Variants in RSBN1 observed in about 807,000 individuals in gnomAD.
RSBN1 encodes round spermatid basic protein 1.
Under a neutral mutation model 74.8 loss-of-function variants are expected in RSBN1, and 23 were observed. The ratio of observed to expected loss-of-function variants is 0.31; its 90% CI spans 0.22 to 0.44. The LOEUF (loss-of-function observed/expected upper bound fraction) is 0.44, where lower values mean the gene tolerates loss of function less well. RSBN1 is among the 20% of genes least tolerant of loss of function. The pLI, the probability that RSBN1 is intolerant of heterozygous loss-of-function variation, is 1.00. For synonymous variants in RSBN1, 407 were observed against 379.6 expected (o/e 1.07, Z -0.84); for missense variants, 808 against 1,020.9 (o/e 0.79, Z 2.84).
At chr1:113,811,633 C>A in intron 1 of RSBN1, 77 bp downstream of exon 1, 3 of 1,499,082 alleles carry the variant, frequency 2.0e-6, no homozygotes, top group Non-Finnish European at 2.7e-6. Flanking sequence ...GGTTTGGCGT[C>A]TTTCAGTCCT....
chr1:113,792,865 TATAAA>T (rs1660393681), intron 2 of RSBN1, among the ~76,000 whole-genome samples: 1 of 150,520 alleles, frequency 6.6e-6, no homozygotes, highest in Non-Finnish European at 1.5e-5. Context: ...AACTCAACTT[TATAAA>T]GTTATCCTGT....
intron 1 of RSBN1, among the ~76,000 whole-genome samples, chr1:113,808,118 A>C (rs908678972): frequency 1.2e-4 from 18 of 151,778 alleles, no homozygotes; most frequent in Admixed American, 4.6e-4. Context: ...ATCTTAAAAA[A>C]CAAACAAACA....
chr1:113,792,878 T>C (rs913872379), intron 2 of RSBN1, among the ~76,000 whole-genome samples: 3 of 152,134 alleles, frequency 2.0e-5, no homozygotes, highest in Admixed American at 1.3e-4. Context: ...AAAGTTATCC[T>C]GTATCAACTG....
intron 2 of RSBN1, among the ~76,000 whole-genome samples, chr1:113,790,293 C>T (rs1660339780): frequency 6.6e-6 from 1 of 151,968 alleles, no homozygotes. Context: ...GGTAATAGAA[C>T]AATATATATA....
intron 2 of RSBN1, among the ~76,000 whole-genome samples, chr1:113,783,624 T>A (rs919196508): frequency 3.9e-5 from 6 of 152,196 alleles, no homozygotes; most frequent in Non-Finnish European, 7.3e-5. Context: ...TGTGCCTAAG[T>A]TTGGGCCAAT....
At position 113,763,103 on chromosome 1, in the gene RSBN1, T is replaced by C. The variant is rs928990684; in HGVS notation, c.*2877A>G. ...TGCTTTATGAATTTGGGTTACCACT[T>C]TGAATCATCATCCTACTCCTAGCAT... On this transcript the variant is annotated 3_prime_UTR_variant, in exon 7 of 7. Coordinates refer to ENST00000261441, the MANE Select transcript of RSBN1 (RefSeq NM_018364.5). 2.6e-5 allele frequency: 4 copies of C among 152,772 alleles called. No individual in the cohort carries two copies. Among genetic ancestry groups the C allele is most frequent in the African/African-American group, 4.8e-5 (2 of 41,448 alleles). The allele number at this position is 152,772 out of a possible 1,614,324, so 9.5% of individuals were successfully genotyped here.
chr1:113,768,826 T>A (rs968270812), intron 4 of RSBN1, among the ~76,000 whole-genome samples: 17 of 152,160 alleles, frequency 1.1e-4, no homozygotes, highest in Admixed American at 3.9e-4. Context: ...CACTTTCTTA[T>A]AACTAAAAGT....
Position 113,798,001 on chromosome 1 carries a change from C to T in RSBN1, c.739G>A (p.Asp247Asn), listed in dbSNP as rs1281805236. The T allele has an allele frequency of 4.3e-6, 7 of 1,609,772 alleles. No individual in the cohort carries two copies. The highest frequency in any genetic ancestry group is 2.2e-5 in the East Asian group (1 of 44,856). The change falls in exon 2 of 7, where the codon GAT becomes AAT. Residue 247 changes from aspartate to asparagine, a missense_variant. Asp to Asn is a conservative substitution (Grantham distance 23, BLOSUM62 1). This residue lies in a region of RSBN1 where 464 missense variants were observed against 401.0 expected (regional missense o/e 1.16). Coordinates refer to ENST00000261441, the MANE Select transcript of RSBN1 (RefSeq NM_018364.5). Reference sequence around the variant, plus strand: ...TTTATTTTCTTCAAGACAAAATCATCGGCTCTCTGGGTTTTACCATTTTCA... The same window carrying T: ...TTTATTTTCTTCAAGACAAAATCATTGGCTCTCTGGGTTTTACCATTTTCA... ...PDENGKTQRA[D>N]DFVLKKIKKK...
At chr1:113,811,321 G>C (rs1660838962) in intron 1 of RSBN1, among the ~76,000 whole-genome samples, 1 of 152,174 alleles carries the variant, frequency 6.6e-6, no homozygotes, top group Admixed American at 6.5e-5. Flanking sequence ...TGGAGCAAGG[G>C]AGAGCAGATA....
Position 113,765,995 on chromosome 1 carries a change from T to G in RSBN1, c.2394A>C (p.Ser798=). ...TATGTACATATCACACAGAAGTGGT[T>G]GAATGTTCTTGCAGATTGTGTTGCT... ...SDQQHNLQEH[S]TTSV The change falls in exon 7 of 7, where the codon TCA becomes TCC. Residue 798 remains serine, a synonymous_variant. Coordinates refer to ENST00000261441, the MANE Select transcript of RSBN1 (RefSeq NM_018364.5). 6.2e-7 allele frequency: 1 copy of G among 1,612,092 alleles called. No homozygotes were observed. The highest frequency in any genetic ancestry group is 8.5e-7 in the Non-Finnish European group (1 of 1,178,280).
At chr1:113,775,519 T>C (rs756862580) in intron 4 of RSBN1, among the ~76,000 whole-genome samples, 1 of 152,026 alleles carries the variant, frequency 6.6e-6, no homozygotes, top group Non-Finnish European at 1.5e-5. Context: ...GTATTTTTAC[T>C]AGAGACAGGG....
At chr1:113,806,055 C>T (rs1010336973) in intron 1 of RSBN1, among the ~76,000 whole-genome samples, 26 of 152,054 alleles carry the variant, frequency 1.7e-4, no homozygotes, top group African/African-American at 6.3e-4. Context: ...TTGTAAAAAC[C>T]ATTGTTAGGC....
At chr1:113,783,818 TC>T (rs1464186489) in intron 2 of RSBN1, among the ~76,000 whole-genome samples, 3 of 152,322 alleles carry the variant, frequency 2.0e-5, no homozygotes, top group African/African-American at 7.2e-5. Flanking sequence ...GAAACTAGCA[TC>T]CTGGATGACA....
At chr1:113,806,838 CAAA>C (rs140139729) in intron 1 of RSBN1, among the ~76,000 whole-genome samples, 27 of 78,914 alleles carry the variant, frequency 3.4e-4, no homozygotes, top group African/African-American at 8.1e-4. Context: ...CTGCCTCTAT[CAAA>C]AAAAAAAAAA....
intron 1 of RSBN1, among the ~76,000 whole-genome samples, chr1:113,809,340 A>G (rs1258454746): frequency 6.6e-6 from 1 of 152,214 alleles, no homozygotes; most frequent in Admixed American, 6.5e-5. Context: ...GAGAGGGTAA[A>G]GCAATTTGTT....
At chr1:113,809,400 C>T (rs983957180) in intron 1 of RSBN1, among the ~76,000 whole-genome samples, 1 of 152,180 alleles carries the variant, frequency 6.6e-6, no homozygotes, top group African/African-American at 2.4e-5. Flanking sequence ...CAGATTAATA[C>T]CAGAGGCATG....
chr1:113,780,542 A>C (rs1660118556), intron 2 of RSBN1, among the ~76,000 whole-genome samples: 1 of 152,244 alleles, frequency 6.6e-6, no homozygotes, highest in African/African-American at 2.4e-5. Context: ...CCTAAAAAAG[A>C]GGAAGGCGGG....
intron 1 of RSBN1, among the ~76,000 whole-genome samples, chr1:113,810,778 T>C (rs1660821070): frequency 6.6e-6 from 1 of 152,128 alleles, no homozygotes; most frequent in East Asian, 1.9e-4. Context: ...GAAAAACAAC[T>C]AGTAAATTAT....
chr1:113,797,495 C>T lies in RSBN1; in HGVS notation c.1245G>A (p.Val415=). The change falls in exon 2 of 7, where the codon GTG becomes GTA. Residue 415 remains valine (V), a synonymous_variant. Transcript: ENST00000261441. The part of the protein sequence containing the change: ...KNAAYYALAI[V]HGAAAYLPDF... Reference sequence around the variant, plus strand: ...CTGGGAGATAAGCAGCCGCTCCATGCACTATTGCTAAAGCATAGTAAGCAG... The same window carrying T: ...CTGGGAGATAAGCAGCCGCTCCATGTACTATTGCTAAAGCATAGTAAGCAG... 1 of 1,614,048 alleles carries T rather than the reference C, an allele frequency of 6.2e-7. No individual in the cohort carries two copies. Among genetic ancestry groups the T allele is most frequent in the African/African-American group, 1.3e-5 (1 of 75,058 alleles).
Sources: allele counts gnomAD v4.1 joint callset (sites outside exome capture counted in the v4.1 genomes callset), GRCh38; gene constraint gnomAD v4.1.1; regional missense constraint gnomAD v4.1.1; transcripts MANE v1.5; gene names NCBI Gene and HGNC (gene_info 2026-07-23, HGNC 2026-07-21).